Variants in ZDHHC1 observed in about 807,000 individuals in gnomAD.
ZDHHC1 encodes zDHHC palmitoyltransferase 1.
In ZDHHC1, 45 loss-of-function variants were observed where a neutral mutation model predicts 46.9. The observed-to-expected ratio is 0.96, with a 90% CI of 0.76 to 1.23. The LOEUF (loss-of-function observed/expected upper bound fraction) is 1.23, where lower values mean the gene tolerates loss of function less well. Ranked by LOEUF, ZDHHC1 falls within the 50% of genes most tolerant of loss-of-function variation. The probability of loss-of-function intolerance (pLI) is 0.00; values close to 1 mark genes in which losing one functional copy is unlikely to be tolerated. For missense variants in ZDHHC1, 649 were observed against 670.8 expected, an observed-to-expected ratio of 0.97 and a Z score of 0.36; for synonymous variants, 291 against 286.0, an observed-to-expected ratio of 1.02 and a Z score of -0.18.
chr16:67,411,885 G>A (rs2040752695), intron 1 of ZDHHC1, among the ~76,000 whole-genome samples: 1 of 152,188 alleles, frequency 6.6e-6, no homozygotes, highest in South Asian at 2.1e-4. Flanking sequence ...GGTCGAGGAG[G>A]GCAGATCACT....
At chr16:67,399,860 A>C (rs1017996042) in intron 4 of ZDHHC1, among the ~76,000 whole-genome samples, 1 of 152,164 alleles carries the variant, frequency 6.6e-6, no homozygotes, top group East Asian at 1.9e-4. Context: ...GCCCTTCCCG[A>C]CACCTCCGGC....
intron 1 of ZDHHC1, among the ~76,000 whole-genome samples, chr16:67,409,788 A>T (rs1231168545): frequency 2.6e-5 from 4 of 152,206 alleles, no homozygotes; most frequent in Non-Finnish European, 5.9e-5. Flanking sequence ...GACCTTGGCC[A>T]GTCAGCACTT....
chr16:67,411,604 A>G (rs930531394), intron 1 of ZDHHC1, among the ~76,000 whole-genome samples: 1 of 152,214 alleles, frequency 6.6e-6, no homozygotes, highest in Non-Finnish European at 1.5e-5. Context: ...TTTATCTTAT[A>G]CATATACTCA....
At chr16:67,397,028 C>T (rs920484420) in intron 8 of ZDHHC1, among the ~76,000 whole-genome samples, 1 of 152,230 alleles carries the variant, frequency 6.6e-6, no homozygotes. Context: ...CCTTCAAAAC[C>T]GTGTACATTC....
chr16:67,394,538 C>G lies in ZDHHC1; in HGVS notation c.*72G>C. The stretch of plus-strand genomic sequence containing the variant: ...AGGGGCCCCTAAAGTGCACTCGGTG[C>G]GGCAAGGATGGGGTGTTGCATAGAG... On this transcript the variant is annotated 3_prime_UTR_variant, in exon 12 of 12. Coordinates refer to ENST00000565726, the MANE Select transcript of ZDHHC1 (RefSeq NM_001323627.2). The G allele has an allele frequency of 9.0e-7, 1 of 1,116,132 alleles. No homozygotes were observed. Among genetic ancestry groups the G allele is most frequent in the Non-Finnish European group, 1.1e-6 (1 of 913,524 alleles). 69.1% of individuals were successfully genotyped at this position (1,116,132 alleles called of 1,614,324 possible).
chr16:67,407,800 T>C lies in ZDHHC1; in HGVS notation c.-25A>G, dbSNP rs1212828149. 2.6e-6 allele frequency: 2 copies of C among 780,806 alleles called. No individual in the cohort carries two copies. The allele number at this position is 780,806 out of a possible 1,614,324, so 48.4% of individuals were successfully genotyped here. On this transcript the variant is annotated 5_prime_UTR_variant, in exon 2 of 12. Transcript: ENST00000565726. ...TAGTAGATCCTCAGTAAATGTTTGCTGACTTGAAAACAGCTGAAATAAAAG... is the reference window on the plus strand; with the variant it reads ...TAGTAGATCCTCAGTAAATGTTTGCCGACTTGAAAACAGCTGAAATAAAAG...
At chr16:67,404,731 G>A (rs1167088546) in intron 3 of ZDHHC1, 1 of 455,922 alleles carries the variant, frequency 2.2e-6, no homozygotes, top group Admixed American at 2.3e-5. Flanking sequence ...TTAGGAAATG[G>A]GGAGAATACC....
rs141181874 is a variant in ZDHHC1 at position 67,399,342 on chromosome 16, G to C, written c.530+13C>G. On this transcript the variant is annotated intron_variant, in intron 5 of 11. Transcript: ENST00000565726. The stretch of plus-strand genomic sequence containing the variant: ...TGCATCCCCAGGCCCGCGTGCGGCC[G>C]GGCTGTCCTCACCGGTAGTTCCGCT... 2 of 1,608,594 alleles carry C rather than the reference G, an allele frequency of 1.2e-6. No individual in the cohort carries two copies. Among genetic ancestry groups the C allele is most frequent in the East Asian group, 2.2e-5 (1 of 44,756 alleles).
At position 67,394,464 on chromosome 16, in the gene ZDHHC1, G is replaced by A; in HGVS notation, c.*146C>T. ...TTTATTGGAGCATCACAGCCGGTGG[G>A]GCGGGTATTGCTGAGTCGTGGGGGA... is the stretch of plus-strand genomic sequence containing the variant. On this transcript the variant is annotated 3_prime_UTR_variant, in exon 12 of 12. Coordinates refer to ENST00000565726, the MANE Select transcript of ZDHHC1 (RefSeq NM_001323627.2). The A allele has an allele frequency of 1.7e-6, 1 of 594,262 alleles. No homozygotes were observed. The highest frequency in any genetic ancestry group is 8.0e-5 in the South Asian group (1 of 12,546). 36.8% of individuals were successfully genotyped at this position (594,262 alleles called of 1,614,324 possible). A position where few individuals can be genotyped will look rare whatever the true frequency, so the allele number is the denominator to read the frequency against.
Position 67,399,340 on chromosome 16 carries a change from C to A in ZDHHC1, c.530+15G>T. 6.2e-7 allele frequency: 1 copy of A among 1,604,002 alleles called. No homozygotes were observed. Among genetic ancestry groups the A allele is most frequent in the South Asian group, 1.1e-5 (1 of 90,362 alleles). ...AGTGCATCCCCAGGCCCGCGTGCGG[C>A]CGGGCTGTCCTCACCGGTAGTTCCG... On this transcript the variant is annotated intron_variant, in intron 5 of 11. Coordinates refer to ENST00000565726, the MANE Select transcript of ZDHHC1 (RefSeq NM_001323627.2).
intron 8 of ZDHHC1, chr16:67,395,857 A>G (rs1006322224): frequency 7.2e-6 from 3 of 419,322 alleles, no homozygotes; most frequent in African/African-American, 4.0e-5. Context: ...AGGCTCAGCC[A>G]GGGAGTGGTG....
At chr16:67,411,470 C>T (rs2040747141) in intron 1 of ZDHHC1, among the ~76,000 whole-genome samples, 1 of 152,224 alleles carries the variant, frequency 6.6e-6, no homozygotes. Flanking sequence ...CACAGATCCA[C>T]TTCTTTGGAT....
chr16:67,411,101 A>G (rs1254732720), intron 1 of ZDHHC1, among the ~76,000 whole-genome samples: 2 of 152,118 alleles, frequency 1.3e-5, no homozygotes, highest in African/African-American at 4.8e-5. Flanking sequence ...CAAAAAAAAA[A>G]CCATTTAGGA....
rs2040553192 is a variant in ZDHHC1 at position 67,401,517 on chromosome 16, A to C, written c.253-385T>G. Among the ~76,000 whole-genome samples, 1 of 152,174 alleles carries C rather than the reference A, an allele frequency of 6.6e-6. No individual in the cohort carries two copies. Among genetic ancestry groups the C allele is most frequent in the Non-Finnish European group, 1.5e-5 (1 of 68,028 alleles). On this transcript the variant is annotated intron_variant, in intron 3 of 11. Transcript: ENST00000565726. The surrounding 1 kb of genome is among the most constrained non-coding windows in gnomAD (Gnocchi z 4.6). ...TGTGAGACTGAAAGAGATCAACCCC[A>C]CCTAAGGTCCAAGAACCTGAAGTTT...
Position 67,394,596 on chromosome 16 carries a change from G to A in ZDHHC1, c.*14C>T, listed in dbSNP as rs745947360. ...CCGGCCGCTCTAACTCGGCCCTCCG[G>A]CCTCTCGGCCCAGCTAAGCCAGACC... On this transcript the variant is annotated 3_prime_UTR_variant, in exon 12 of 12. Transcript: ENST00000565726. 2 of 1,169,834 alleles carry A rather than the reference G, an allele frequency of 1.7e-6. No homozygotes were observed. The highest frequency in any genetic ancestry group is 8.3e-5 in the East Asian group (2 of 24,152). The allele number at this position is 1,169,834 out of a possible 1,614,324, so 72.5% of individuals were successfully genotyped here.
chr16:67,399,237 G>A, intron 5 of ZDHHC1, 118 bp downstream of exon 5: 1 of 966,710 alleles, frequency 1.0e-6, no homozygotes, highest in African/African-American at 1.6e-5. Context: ...GCATAAAACG[G>A]GCACAGGTCC....
rs888338532 is a variant in ZDHHC1 at position 67,394,503 on chromosome 16, C to G, written c.*107G>C. 1 of 1,008,450 alleles carries G rather than the reference C, an allele frequency of 9.9e-7. No homozygotes were observed. Among genetic ancestry groups the G allele is most frequent in the East Asian group, 5.4e-5 (1 of 18,394 alleles). The allele number at this position is 1,008,450 out of a possible 1,614,324, so 62.5% of individuals were successfully genotyped here. A position where few individuals can be genotyped will look rare whatever the true frequency, so the allele number is the denominator to read the frequency against. The stretch of plus-strand genomic sequence containing the variant: ...AGTCGTGGGGGAGGGAGGCCGATCC[C>G]GCCGGCCGTAGGGGCCCCTAAAGTG... On this transcript the variant is annotated 3_prime_UTR_variant, in exon 12 of 12. Transcript: ENST00000565726.
rs554256281 is a variant in ZDHHC1 at position 67,406,901 on chromosome 16, C to T, written c.10-459G>A. Among the ~76,000 whole-genome samples the T allele has an allele frequency of 4.6e-5, 7 of 152,122 alleles. No individual in the cohort carries two copies. Among genetic ancestry groups the T allele is most frequent in the Admixed American group, 6.5e-5 (1 of 15,274 alleles). ...CCCCGCTATCCTTTGCTCAGGGAAA[C>T]GGGGAATGGGGTGCCCAGAAGGAGG... is the stretch of plus-strand genomic sequence containing the variant. On this transcript the variant is annotated intron_variant, in intron 2 of 11. Coordinates refer to ENST00000565726, the MANE Select transcript of ZDHHC1 (RefSeq NM_001323627.2). This position sits in a 1 kb window ranked among gnomAD's most constrained non-coding sequence, Gnocchi z 4.1.
chr16:67,416,436 C>T lies in ZDHHC1; in HGVS notation c.-304G>A. Reference sequence around the variant, plus strand: ...CTCCGGCTCCAGCAGGCTGGAGGGGCGGCCAGGCCAGACCCAGACTGGCTG... The same window carrying T: ...CTCCGGCTCCAGCAGGCTGGAGGGGTGGCCAGGCCAGACCCAGACTGGCTG... On this transcript the variant is annotated 5_prime_UTR_variant, in exon 1 of 12. Coordinates refer to ENST00000565726, the MANE Select transcript of ZDHHC1 (RefSeq NM_001323627.2). 2 of 191,600 alleles carry T rather than the reference C, an allele frequency of 1.0e-5. No homozygotes were observed. The highest frequency in any genetic ancestry group is 2.2e-5 in the Non-Finnish European group (2 of 92,540). 11.9% of individuals were successfully genotyped at this position (191,600 alleles called of 1,614,324 possible). A position where few individuals can be genotyped will look rare whatever the true frequency, so the allele number is the denominator to read the frequency against.
Sources: gnomAD v4.1 joint callset for allele counts (sites outside exome capture counted in the v4.1 genomes callset) on GRCh38, gnomAD v4.1.1 for gene constraint, Gnocchi (gnomAD v3.1) non-coding constraint, MANE v1.5 for transcripts, NCBI Gene and HGNC (gene_info 2026-07-23, HGNC 2026-07-21) for gene names.